NOVA1: variants seen among roughly 807,000 people sequenced by gnomAD.
NOVA1 encodes RNA-binding protein Nova-1.
A neutral mutation model predicts 38.0 loss-of-function variants in NOVA1; 7 were observed. The observed-to-expected ratio is 0.18, with a 90% CI of 0.10 to 0.35. The LOEUF is 0.35. Ranked by LOEUF, NOVA1 falls within the 10% of genes least tolerant of loss-of-function variation. The pLI is 1.00. For synonymous variants in NOVA1, 270 were observed against 232.5 expected (o/e 1.16, Z -1.47); for missense variants, 460 against 616.0 (o/e 0.75, Z 2.68).
At chr14:26,594,024 A>G (rs1431546590) in intron 2 of NOVA1, 1 of 151,886 alleles carries the variant, frequency 6.6e-6, no homozygotes, top group African/African-American at 2.4e-5. Flanking sequence ...GGTTTTCACA[A>G]TTCCACATTG....
At chr14:26,449,310 C>T (rs1882417996) in intron 4 of NOVA1, among the ~76,000 whole-genome samples, 1 of 152,128 alleles carries the variant, frequency 6.6e-6, no homozygotes, top group Non-Finnish European at 1.5e-5. Context: ...CCAAAAATCA[C>T]ATGCTGTTGA....
intron 2 of NOVA1, among the ~76,000 whole-genome samples, chr14:26,556,535 T>G (rs921236311): frequency 1.3e-5 from 2 of 152,096 alleles, no homozygotes; most frequent in Non-Finnish European, 2.9e-5. Context: ...ACACCAAAGA[T>G]AAAACTCTAC....
intron 2 of NOVA1, among the ~76,000 whole-genome samples, chr14:26,540,204 G>A (rs545888762): frequency 4.1e-4 from 62 of 152,314 alleles, no homozygotes; most frequent in South Asian, 2.1e-3. Context: ...AGCCACAGGT[G>A]AGCAAGCATT....
intron 2 of NOVA1, among the ~76,000 whole-genome samples, chr14:26,530,542 A>ATC (rs1271132735): frequency 3.9e-5 from 6 of 152,196 alleles, no homozygotes; most frequent in Non-Finnish European, 1.5e-5. Flanking sequence ...TATAATACTT[A>ATC]TCTCTGGGAA....
intron 3 of NOVA1, among the ~76,000 whole-genome samples, chr14:26,478,568 T>C (rs1025932133): frequency 3.3e-5 from 5 of 151,966 alleles, no homozygotes; most frequent in African/African-American, 7.2e-5. Flanking sequence ...ACTTCTACTT[T>C]TAAACTCTGA....
At chr14:26,479,947 T>C in intron 3 of NOVA1, 30 bp downstream of exon 3, 1 of 1,609,704 alleles carries the variant, frequency 6.2e-7, no homozygotes, top group Non-Finnish European at 8.5e-7. Flanking sequence ...CTGTGGATAT[T>C]TCTCTTTGAT....
In NOVA1 at chr14:26,464,981, T is replaced by A. The variant is rs10137694; in HGVS notation, c.519+7339A>T. On this transcript the variant is annotated intron_variant, in intron 4 of 4. Transcript: ENST00000539517. The stretch of plus-strand genomic sequence containing the variant: ...AGCCACAGGAAATTACAATCAAATA[T>A]CAGCAATTTCATAACTCTCATCCTA... Among the ~76,000 whole-genome samples the A allele has an allele frequency of 3.5e-3, 527 of 152,144 alleles. 4 individuals carry two copies. Among genetic ancestry groups the A allele is most frequent in the African/African-American group, 0.012 (514 of 41,508 alleles).
At chr14:26,450,454 ATT>A (rs1882572910) in intron 4 of NOVA1, among the ~76,000 whole-genome samples, 2 of 152,038 alleles carry the variant, frequency 1.3e-5, no homozygotes, top group African/African-American at 4.8e-5. Context: ...AAGAAATTTA[ATT>A]TTGTTTCATT....
At chr14:26,596,737 CA>C (rs1894214922) in intron 1 of NOVA1, 3 of 1,270,708 alleles carry the variant, frequency 2.4e-6, no homozygotes, top group Non-Finnish European at 3.1e-6. Flanking sequence ...GAAGACAAAT[CA>C]ATGAAATATT....
At chr14:26,488,665 T>C (rs1393294216) in intron 2 of NOVA1, among the ~76,000 whole-genome samples, 1 of 152,194 alleles carries the variant, frequency 6.6e-6, no homozygotes, top group Non-Finnish European at 1.5e-5. Context: ...GTTATGTCAA[T>C]AGTATAACCT....
chr14:26,569,711 G>A (rs1472082283), intron 2 of NOVA1, among the ~76,000 whole-genome samples: 1 of 152,092 alleles, frequency 6.6e-6, no homozygotes, highest in Non-Finnish European at 1.5e-5. Flanking sequence ...GCCCATTATT[G>A]ACAAATAATC....
chr14:26,536,009 C>G (rs557579627), intron 2 of NOVA1, among the ~76,000 whole-genome samples: 1 of 150,480 alleles, frequency 6.6e-6, no homozygotes, highest in East Asian at 2.0e-4. Flanking sequence ...GGTACATATA[C>G]ACAATGGAGT....
intron 2 of NOVA1, among the ~76,000 whole-genome samples, chr14:26,503,944 T>C (rs1273690409): frequency 6.6e-6 from 1 of 152,118 alleles, no homozygotes; most frequent in Non-Finnish European, 1.5e-5. Flanking sequence ...TCTTAAATAT[T>C]TGCTCAATGT....
Position 26,597,500 on chromosome 14 carries a change from CTT to C in NOVA1, c.-66_-65del, listed in dbSNP as rs1250194375. The C allele has an allele frequency of 1.2e-6, 1 of 845,474 alleles. No individual in the cohort carries two copies. The highest frequency in any genetic ancestry group is 3.3e-5 in the African/African-American group (1 of 30,144). 52.4% of individuals were successfully genotyped at this position (845,474 alleles called of 1,614,324 possible). On this transcript the variant is annotated 5_prime_UTR_variant, in exon 1 of 5. Transcript: ENST00000539517. ...CCCTTTTGTTTTGGCTTTTTCTTTTCTTTTTTCTTTTTTTTTTTTTTTTTTTT... is the reference window on the plus strand; with the variant it reads ...CCCTTTTGTTTTGGCTTTTTCTTTTCTTTTCTTTTTTTTTTTTTTTTTTTT...
chr14:26,461,438 T>C (rs1269711407), intron 4 of NOVA1, among the ~76,000 whole-genome samples: 1 of 152,082 alleles, frequency 6.6e-6, no homozygotes, highest in African/African-American at 2.4e-5. Flanking sequence ...TCAGTGGTAT[T>C]TTAAATAGCT....
chr14:26,512,077 G>A (rs1382485577), intron 2 of NOVA1, among the ~76,000 whole-genome samples: 2 of 152,008 alleles, frequency 1.3e-5, no homozygotes, highest in Non-Finnish European at 2.9e-5. Context: ...CATATTCTGG[G>A]AAATACTGCT....
intron 2 of NOVA1, among the ~76,000 whole-genome samples, chr14:26,560,316 A>C (rs1186808995): frequency 6.6e-6 from 1 of 152,174 alleles, no homozygotes; most frequent in Non-Finnish European, 1.5e-5. Flanking sequence ...AATTTAGTAA[A>C]ATGAAGCCTT....
At chr14:26,555,361 G>A (rs926247654) in intron 2 of NOVA1, among the ~76,000 whole-genome samples, 2 of 152,142 alleles carry the variant, frequency 1.3e-5, no homozygotes, top group Non-Finnish European at 1.5e-5. Flanking sequence ...CTTTTTAAAT[G>A]TCACACTTTT....
At chr14:26,532,540 T>C (rs1889792735) in intron 2 of NOVA1, among the ~76,000 whole-genome samples, 3 of 152,040 alleles carry the variant, frequency 2.0e-5, no homozygotes, top group African/African-American at 4.8e-5. Context: ...GGAAGGAATG[T>C]TGAAGTGAGG....
Sources: gnomAD v4.1 joint callset for allele counts (sites outside exome capture counted in the v4.1 genomes callset) on GRCh38, gnomAD v4.1.1 for gene constraint, MANE v1.5 for transcripts, NCBI Gene and HGNC (gene_info 2026-07-23, HGNC 2026-07-21) for gene names.